Variants in MAGI1 observed in about 807,000 individuals in gnomAD.
The protein encoded by MAGI1 is membrane associated guanylate kinase, WW and PDZ domain containing 1.
A neutral mutation model predicts 139.9 loss-of-function variants in MAGI1; 58 were observed. That is an observed-to-expected ratio of 0.41 (90% CI 0.34 to 0.52). The LOEUF is 0.52. Among genes scored for constraint, MAGI1 ranks in the 20% least tolerant of loss-of-function variants. The probability of loss-of-function intolerance (pLI) is 0.12; values close to 1 mark genes in which losing one functional copy is unlikely to be tolerated. For synonymous variants in MAGI1, 812 were observed against 737.9 expected (o/e 1.10, Z -1.63); for missense variants, 1,874 against 1,901.6 (o/e 0.99, Z 0.27).
rs372250601 is a variant in MAGI1 at position 65,355,672 on chromosome 3, TAAA to T, written c.*703_*705del. The T allele has an allele frequency of 6.6e-6, 1 of 152,642 alleles. No homozygotes were observed. The allele number at this position is 152,642 out of a possible 1,614,324, so 9.5% of individuals were successfully genotyped here. A position where few individuals can be genotyped will look rare whatever the true frequency, so the allele number is the denominator to read the frequency against. ...TGTCTGTGCTTGGGCTGTATTTGAG[TAAA>T]AGTGGCCGACATTTTTGTCTGTGTG... On this transcript the variant is annotated 3_prime_UTR_variant, in exon 23 of 23. Transcript: ENST00000402939.
At chr3:65,930,261 A>G (rs1335703490) in intron 1 of MAGI1, among the ~76,000 whole-genome samples, 1 of 143,058 alleles carries the variant, frequency 7.0e-6, no homozygotes, top group African/African-American at 2.6e-5. Flanking sequence ...GCTTGCAGTG[A>G]GCCGAGATAG....
At chr3:65,379,075 T>C (rs1212654080) in intron 17 of MAGI1, 186 bp downstream of exon 17, 5 of 1,260,468 alleles carry the variant, frequency 4.0e-6, no homozygotes, top group Non-Finnish European at 5.5e-6. Flanking sequence ...TGAACAAATA[T>C]TCCCAACCTT....
intron 1 of MAGI1, among the ~76,000 whole-genome samples, chr3:65,769,133 T>A (rs2037742924): frequency 6.6e-6 from 1 of 152,210 alleles, no homozygotes; most frequent in Non-Finnish European, 1.5e-5. Flanking sequence ...AAGAAAATAA[T>A]AGGAAAATAT....
chr3:65,375,187 C>CTTTT (rs5849664), intron 18 of MAGI1, among the ~76,000 whole-genome samples: 3 of 133,084 alleles, frequency 2.3e-5, no homozygotes, highest in Non-Finnish European at 3.2e-5. Context: ...TTTTCTGAAA[C>CTTTT]TTTTTTTTTT....
At chr3:65,687,740 C>A in intron 1 of MAGI1, 1 of 547,938 alleles carries the variant, frequency 1.8e-6, no homozygotes. Flanking sequence ...AGCCTGAGAG[C>A]ACAGGATCCT....
intron 12 of MAGI1, among the ~76,000 whole-genome samples, 191 bp downstream of exon 12, chr3:65,429,329 C>G (rs1157571623): frequency 1.3e-5 from 2 of 152,050 alleles, no homozygotes; most frequent in Non-Finnish European, 2.9e-5. Context: ...ATCATTCTAA[C>G]TGCATATGTC....
chr3:65,851,642 A>G (rs191187339), intron 1 of MAGI1, among the ~76,000 whole-genome samples: 2 of 152,160 alleles, frequency 1.3e-5, no homozygotes, highest in African/African-American at 4.8e-5. Flanking sequence ...CCAGCTACTC[A>G]GGAGGCTGAG....
intron 2 of MAGI1, among the ~76,000 whole-genome samples, chr3:65,592,825 A>C (rs1158456489): frequency 1.3e-5 from 2 of 152,170 alleles, no homozygotes; most frequent in East Asian, 3.9e-4. Context: ...AACTTCTGGG[A>C]AAAACTTCCC....
rs564030254 is a variant in MAGI1 at position 65,848,335 on chromosome 3, C to T, written c.313+189661G>A. On this transcript the variant is annotated intron_variant, in intron 1 of 22. Transcript: ENST00000402939. ...GCAACTTAGAATGTTTCGTATCCTA[C>T]GCTGGTTCTGAGCAGGCTTAATAAG... Among the ~76,000 whole-genome samples the T allele has an allele frequency of 4.2e-4, 64 of 152,288 alleles. 1 individual carries two copies. The highest frequency in any genetic ancestry group is 1.4e-3 in the African/African-American group (60 of 41,574).
chr3:65,748,599 T>A (rs1178168194), intron 1 of MAGI1, among the ~76,000 whole-genome samples: 1 of 152,238 alleles, frequency 6.6e-6, no homozygotes, highest in African/African-American at 2.4e-5. Flanking sequence ...TTGTTTCAGC[T>A]GATACTTATT....
At chr3:65,465,174 T>C (rs918240093) in intron 5 of MAGI1, among the ~76,000 whole-genome samples, 10 of 151,366 alleles carry the variant, frequency 6.6e-5, no homozygotes, top group East Asian at 1.9e-4. Context: ...AACAGTACTA[T>C]TATTGCTTCA....
Position 65,439,901 on chromosome 3 carries a change from C to CTGA in MAGI1, c.1247_1248insTCA (p.Gln415_Gln416insHis), listed in dbSNP as rs757089424. 12 of 1,609,658 alleles carry CTGA rather than the reference C, an allele frequency of 7.5e-6. No homozygotes were observed. The highest frequency in any genetic ancestry group is 1.0e-5 in the Non-Finnish European group (12 of 1,177,498). ...AACCTTCTGTCTGCTGCTGCTGCTG[C>CTGA]TGCTGCTGCTGCTGTTGCTGCTGCT... is the stretch of plus-strand genomic sequence containing the variant. On this transcript the variant is annotated inframe_insertion, in exon 9 of 23. Coordinates refer to ENST00000402939, the MANE Select transcript of MAGI1 (RefSeq NM_001033057.2).
At chr3:65,863,467 A>T (rs1288885726) in intron 1 of MAGI1, among the ~76,000 whole-genome samples, 1 of 152,246 alleles carries the variant, frequency 6.6e-6, no homozygotes, top group Non-Finnish European at 1.5e-5. Context: ...ATAAGGGCAC[A>T]TTCCACGTAT....
intron 1 of MAGI1, among the ~76,000 whole-genome samples, chr3:65,984,499 T>C (rs2065767118): frequency 7.0e-6 from 1 of 142,436 alleles, no homozygotes; most frequent in African/African-American, 2.6e-5. Context: ...TAATATAATA[T>C]TTTCAAAATA....
intron 1 of MAGI1, among the ~76,000 whole-genome samples, chr3:66,016,801 T>C (rs1005126883): frequency 2.0e-5 from 3 of 152,188 alleles, no homozygotes; most frequent in Non-Finnish European, 4.4e-5. Flanking sequence ...CACAATGGAA[T>C]ATTATTCAGA....
chr3:65,386,991 C>T (rs537988915), intron 14 of MAGI1: 10 of 628,998 alleles, frequency 1.6e-5, no homozygotes, highest in African/African-American at 3.7e-5. Context: ...CTTTGGTTTG[C>T]GTTTGGTCAA....
At chr3:65,410,428 G>T (rs1014608385) in intron 12 of MAGI1, among the ~76,000 whole-genome samples, 2 of 152,178 alleles carry the variant, frequency 1.3e-5, no homozygotes, top group Admixed American at 6.5e-5. Flanking sequence ...GGGATACTTG[G>T]TCTAAAACCA....
intron 1 of MAGI1, among the ~76,000 whole-genome samples, chr3:65,877,663 C>A (rs927200113): frequency 6.6e-6 from 1 of 152,196 alleles, no homozygotes; most frequent in African/African-American, 2.4e-5. Flanking sequence ...TCAAGCAATT[C>A]TCCTGCCTAA....
chr3:65,659,233 T>C (rs1177644014), intron 1 of MAGI1, among the ~76,000 whole-genome samples: 2 of 151,600 alleles, frequency 1.3e-5, no homozygotes, highest in African/African-American at 2.4e-5. Flanking sequence ...GACATGAAAA[T>C]GAGGCAGGAA....
Sources: allele counts gnomAD v4.1 joint callset (sites outside exome capture counted in the v4.1 genomes callset), GRCh38; gene constraint gnomAD v4.1.1; transcripts MANE v1.5; gene names NCBI Gene and HGNC (gene_info 2026-07-23, HGNC 2026-07-21).